NELL2: variants seen among roughly 807,000 people sequenced by gnomAD.
NELL2 encodes the protein neural EGFL like 2.
A neutral mutation model predicts 109.6 loss-of-function variants in NELL2; 41 were observed. The ratio of observed to expected loss-of-function variants is 0.37; its 90% CI spans 0.29 to 0.49. The LOEUF (loss-of-function observed/expected upper bound fraction) is 0.49. Ranked by LOEUF, NELL2 falls within the 20% of genes least tolerant of loss-of-function variation. The probability of loss-of-function intolerance (pLI) is 0.98; values close to 1 mark genes in which losing one functional copy is unlikely to be tolerated. For missense variants in NELL2, 900 were observed against 1,008.3 expected (o/e 0.89, Z 1.45); for synonymous variants, 355 against 344.7 (o/e 1.03, Z -0.33).
chr12:44,637,425 G>A (rs1454727283), intron 13 of NELL2, among the ~76,000 whole-genome samples: 1 of 148,212 alleles, frequency 6.7e-6, no homozygotes, highest in Non-Finnish European at 1.5e-5. Context: ...ACACTGTGGA[G>A]CTTAAAGTAA....
intron 9 of NELL2, among the ~76,000 whole-genome samples, chr12:44,717,642 G>A (rs1445819431): frequency 1.3e-5 from 2 of 152,150 alleles, no homozygotes; most frequent in South Asian, 2.1e-4. Flanking sequence ...TTACCCTAAG[G>A]CTAAGGAACA....
intron 15 of NELL2, among the ~76,000 whole-genome samples, chr12:44,584,197 T>C (rs954631537): frequency 3.3e-5 from 5 of 152,236 alleles, no homozygotes; most frequent in Non-Finnish European, 7.3e-5. Context: ...ATTACATAAT[T>C]GGTTTTAAAC....
chr12:44,735,891 A>C (rs1939611735), intron 9 of NELL2, among the ~76,000 whole-genome samples: 1 of 152,094 alleles, frequency 6.6e-6, no homozygotes, highest in Non-Finnish European at 1.5e-5. Flanking sequence ...CTTTTTAATT[A>C]ATTGAAAATA....
chr12:44,634,743 A>C (rs771325304), intron 13 of NELL2, among the ~76,000 whole-genome samples: 15 of 152,192 alleles, frequency 9.9e-5, no homozygotes, highest in Non-Finnish European at 1.9e-4. Flanking sequence ...TTGAGGAATC[A>C]CCACACTGTC....
chr12:44,732,423 C>A (rs1939418103), intron 9 of NELL2, among the ~76,000 whole-genome samples: 1 of 151,880 alleles, frequency 6.6e-6, no homozygotes, highest in Non-Finnish European at 1.5e-5. Context: ...ACAGGCAAAT[C>A]TCCAACAAGA....
At chr12:44,541,250 CAA>C (rs3071951) in intron 15 of NELL2, among the ~76,000 whole-genome samples, 1 of 78,902 alleles carries the variant, frequency 1.3e-5, no homozygotes, top group Admixed American at 1.7e-4. Flanking sequence ...GACTCCATCT[CAA>C]AAAAAAAAAA....
chr12:44,527,973 A>C (rs1250203534), intron 16 of NELL2, among the ~76,000 whole-genome samples: 1 of 151,586 alleles, frequency 6.6e-6, no homozygotes, highest in African/African-American at 2.4e-5. Context: ...GGGCGCCTGT[A>C]GTCCCAGCTA....
chr12:44,559,077 T>G (rs757181369), intron 15 of NELL2, among the ~76,000 whole-genome samples: 1 of 152,116 alleles, frequency 6.6e-6, no homozygotes, highest in Non-Finnish European at 1.5e-5. Context: ...CTAGCCAAAC[T>G]AAGCTTCATG....
chr12:44,887,656 G>GTGTGTGTGT (rs1360697607), intron 1 of NELL2, among the ~76,000 whole-genome samples: 1 of 150,532 alleles, frequency 6.6e-6, no homozygotes, highest in African/African-American at 2.4e-5. Context: ...GTGTGTGTGT[G>GTGTGTGTGT]TGTTGTTGTT....
At chr12:44,618,216 C>A (rs1945910567) in intron 13 of NELL2, among the ~76,000 whole-genome samples, 1 of 152,060 alleles carries the variant, frequency 6.6e-6, no homozygotes, top group Non-Finnish European at 1.5e-5. Context: ...TTTTTAACAC[C>A]CAGGCATTTT....
intron 12 of NELL2, among the ~76,000 whole-genome samples, chr12:44,699,410 T>A (rs1949158178): frequency 6.6e-6 from 1 of 152,056 alleles, no homozygotes; most frequent in African/African-American, 2.4e-5. Context: ...ATCTGAGGTG[T>A]TGCAAAACTC....
At chr12:44,518,205 A>G (rs1287760665) in intron 19 of NELL2, among the ~76,000 whole-genome samples, 1 of 152,006 alleles carries the variant, frequency 6.6e-6, no homozygotes, top group Non-Finnish European at 1.5e-5. Context: ...AGATTATAGT[A>G]GTTGTTTATA....
intron 15 of NELL2, among the ~76,000 whole-genome samples, chr12:44,606,600 G>GT (rs1470231418): frequency 1.3e-5 from 2 of 152,036 alleles, no homozygotes; most frequent in Non-Finnish European, 2.9e-5. Context: ...ACTATATATT[G>GT]TTTTTAAAAT....
At chr12:44,893,853 C>T (rs757726901) in intron 1 of NELL2, among the ~76,000 whole-genome samples, 1 of 152,206 alleles carries the variant, frequency 6.6e-6, no homozygotes, top group Non-Finnish European at 1.5e-5. Context: ...TTTCCCAAAC[C>T]ATCTGTGGCA....
At chr12:44,891,488 G>A (rs1214339253) in intron 1 of NELL2, among the ~76,000 whole-genome samples, 2 of 152,052 alleles carry the variant, frequency 1.3e-5, no homozygotes, top group Non-Finnish European at 2.9e-5. Context: ...GACCCAATGG[G>A]GCCATGTTCC....
chr12:44,578,202 C>A (rs888125523), intron 15 of NELL2, among the ~76,000 whole-genome samples: 2 of 150,186 alleles, frequency 1.3e-5, no homozygotes, highest in Non-Finnish European at 3.0e-5. Flanking sequence ...TTTTTTTTTA[C>A]TAACTTTCTT....
chr12:44,883,228 G>A (rs1327123497), intron 1 of NELL2, among the ~76,000 whole-genome samples: 1 of 151,858 alleles, frequency 6.6e-6, no homozygotes, highest in Non-Finnish European at 1.5e-5. Context: ...GAATTGGCAT[G>A]ACTAAGCTTC....
chr12:44,790,983 C>A (rs1276420335), intron 3 of NELL2, among the ~76,000 whole-genome samples: 2 of 145,122 alleles, frequency 1.4e-5, no homozygotes, highest in African/African-American at 5.1e-5. Context: ...AACATATATG[C>A]ACCTAACACT....
chr12:44,693,851 C>T (rs1267536317), intron 12 of NELL2, among the ~76,000 whole-genome samples: 2 of 152,120 alleles, frequency 1.3e-5, no homozygotes, highest in African/African-American at 4.8e-5. Context: ...TCCATTATTT[C>T]CTCAGTATTG....
Sources: allele counts gnomAD v4.1 joint callset (sites outside exome capture counted in the v4.1 genomes callset), GRCh38; gene constraint gnomAD v4.1.1; transcripts MANE v1.5; gene names NCBI Gene and HGNC (gene_info 2026-07-23, HGNC 2026-07-21).